Variants in MAP3K9 observed in about 807,000 individuals in gnomAD.
MAP3K9 encodes mitogen-activated protein kinase kinase kinase 9.
MAP3K9 carries 46 observed loss-of-function variants against 95.8 expected under a neutral mutation model. The observed-to-expected ratio is 0.48, with a 90% CI of 0.38 to 0.61. MAP3K9 has a LOEUF of 0.61. Ranked by LOEUF, MAP3K9 falls within the 20% of genes least tolerant of loss-of-function variation. MAP3K9 has a pLI of 0.00. For missense variants in MAP3K9, 1,296 were observed against 1,474.3 expected, an observed-to-expected ratio of 0.88 and a Z score of 1.98; for synonymous variants, 533 against 593.8, an observed-to-expected ratio of 0.90 and a Z score of 1.49.
chr14:70,747,789 T>C (rs2054168119), intron 5 of MAP3K9, among the ~76,000 whole-genome samples: 1 of 152,186 alleles, frequency 6.6e-6, no homozygotes, highest in South Asian at 2.1e-4. Flanking sequence ...CTATCATTAT[T>C]ATCACATGGC....
At chr14:70,737,881 G>GC (rs2054007103) in intron 8 of MAP3K9, among the ~76,000 whole-genome samples, 2 of 152,136 alleles carry the variant, frequency 1.3e-5, no homozygotes, top group Admixed American at 1.3e-4. Flanking sequence ...GTTAAACCCT[G>GC]CCCGCCACTT....
chr14:70,738,444 G>A (rs2054017268), intron 7 of MAP3K9, 46 bp from the exon 8 acceptor site: 2 of 1,588,074 alleles, frequency 1.3e-6, no homozygotes, highest in Admixed American at 1.7e-5. Context: ...TGGACAGACA[G>A]GGCTCCCCCA....
intron 11 of MAP3K9, 123 bp from the exon 12 acceptor site, chr14:70,730,987 G>A (rs1243770755): frequency 7.2e-6 from 8 of 1,108,104 alleles, no homozygotes; most frequent in Non-Finnish European, 2.5e-6. Context: ...ATCACCAAAT[G>A]TTTGTGGAGC....
At chr14:70,769,803 C>T (rs1480710035) in intron 2 of MAP3K9, among the ~76,000 whole-genome samples, 1 of 152,172 alleles carries the variant, frequency 6.6e-6, no homozygotes, top group South Asian at 2.1e-4. Context: ...ATAAGGACAT[C>T]GGTCATTGGA....
chr14:70,779,480 G>T (rs559194875), intron 2 of MAP3K9, among the ~76,000 whole-genome samples: 1 of 152,270 alleles, frequency 6.6e-6, no homozygotes, highest in East Asian at 1.9e-4. Context: ...TGGTCCATGA[G>T]TCCTAGGAAA....
At chr14:70,799,824 C>T (rs1054314620) in intron 2 of MAP3K9, among the ~76,000 whole-genome samples, 6 of 152,166 alleles carry the variant, frequency 3.9e-5, no homozygotes, top group Non-Finnish European at 7.3e-5. Flanking sequence ...ACTCAAATGC[C>T]CTCCTCTCTG....
intron 2 of MAP3K9, among the ~76,000 whole-genome samples, chr14:70,799,681 A>G (rs2054907321): frequency 6.6e-6 from 1 of 152,208 alleles, no homozygotes; most frequent in Non-Finnish European, 1.5e-5. Flanking sequence ...CCATAGTATC[A>G]ACAGAAAAAT....
intron 7 of MAP3K9, 48 bp from the exon 8 acceptor site, chr14:70,738,446 G>A (rs1453628618): frequency 6.3e-7 from 1 of 1,581,578 alleles, no homozygotes; most frequent in African/African-American, 1.3e-5. Flanking sequence ...GACAGACAGG[G>A]CTCCCCCAAA....
chr14:70,782,255 A>G (rs562420171), intron 2 of MAP3K9, among the ~76,000 whole-genome samples: 5 of 152,344 alleles, frequency 3.3e-5, no homozygotes, highest in African/African-American at 7.2e-5. Flanking sequence ...TGTATATAAT[A>G]AATTGACCGT....
At chr14:70,758,520 T>C (rs979094237) in intron 3 of MAP3K9, among the ~76,000 whole-genome samples, 2 of 152,188 alleles carry the variant, frequency 1.3e-5, no homozygotes, top group African/African-American at 4.8e-5. Context: ...ATAGAACTGT[T>C]ACATGATTCA....
intron 2 of MAP3K9, among the ~76,000 whole-genome samples, chr14:70,761,493 T>C (rs779394365): frequency 2.4e-4 from 36 of 152,220 alleles, no homozygotes; most frequent in Non-Finnish European, 3.5e-4. Flanking sequence ...CTGGGCACAG[T>C]GGTTCACGCA....
In MAP3K9 at chr14:70,725,754, G is replaced by C. The variant is rs1190560189; in HGVS notation, c.*4626C>G. On this transcript the variant is annotated 3_prime_UTR_variant, in exon 12 of 12. Coordinates refer to ENST00000554752, the MANE Select transcript of MAP3K9 (RefSeq NM_001284230.2). ...ATTCTCAGACCTAAAGCCAAAGAGA[G>C]AGGCAGGTACATTAGGGTGAACCAT... 6.6e-6 allele frequency: 1 copy of C among 152,190 alleles called. No individual in the cohort carries two copies. Among genetic ancestry groups the C allele is most frequent in the Non-Finnish European group, 1.5e-5 (1 of 68,038 alleles). 9.4% of individuals were successfully genotyped at this position (152,190 alleles called of 1,614,324 possible).
At position 70,801,008 on chromosome 14, in the gene MAP3K9, C is replaced by T. The variant is rs142171628; in HGVS notation, c.479G>A (p.Arg160His). ...AACCTCATCCCCTATCCAGAAAGCA[C>T]GATAGACCTTCCCAAAGCCCCCGAT... ...IGIGGFGKVY[R>H]AFWIGDEVAV... The change falls in exon 2 of 12, where the codon CGT becomes CAT. Residue 160 changes from arginine (R) to histidine (H), a missense_variant. Arg to His is a conservative substitution (Grantham distance 29, BLOSUM62 0). This residue lies in a region of MAP3K9 where 338 missense variants were observed against 363.4 expected (regional missense o/e 0.93). Transcript: ENST00000554752. The T allele has an allele frequency of 1.5e-4, 236 of 1,614,050 alleles. 1 individual carries two copies. Among genetic ancestry groups the T allele is most frequent in the Non-Finnish European group, 1.9e-4 (219 of 1,180,038 alleles).
At chr14:70,742,661 C>T in intron 5 of MAP3K9, 70 bp from the exon 6 acceptor site, 1 of 1,551,036 alleles carries the variant, frequency 6.4e-7, no homozygotes, top group South Asian at 1.2e-5. Flanking sequence ...GGGGTGAGGC[C>T]TGAGAGCTCC....
chr14:70,738,209 C>T (rs368939487), intron 8 of MAP3K9, 36 bp downstream of exon 8: 11 of 1,577,960 alleles, frequency 7.0e-6, no homozygotes, highest in Non-Finnish European at 8.6e-6. Context: ...CATCCATCTT[C>T]AAGAGAGAAA....
At position 70,742,531 on chromosome 14, in the gene MAP3K9, C is replaced by T. The variant is rs1416087523; in HGVS notation, c.1387G>A (p.Glu463Lys). The T allele has an allele frequency of 1.2e-6, 2 of 1,614,194 alleles. No homozygotes were observed. Among genetic ancestry groups the T allele is most frequent in the Non-Finnish European group, 1.7e-6 (2 of 1,180,024 alleles). The change falls in exon 6 of 12, where the codon GAA (glutamate) becomes AAA (lysine). Residue 463 changes from glutamate to lysine, a missense_variant. Transcript: ENST00000554752. ...RAALQQKNQE[E>K]LLRRREQELA... is the part of the protein sequence containing the mutation. ...TCCTGCTCCCGACGCCGCAGCAGTT[C>T]CTCCTGGTTCTTCTGCTGCAGTGCA...
rs2053830688 is a variant in MAP3K9, at chr14:70,727,173, C to T, written c.*3207G>A. ...AAAGTTAGCACTATTCTGAGTTGTC[C>T]AGATGTAAGATATCATTGTTGCTAT... On this transcript the variant is annotated 3_prime_UTR_variant, in exon 12 of 12. Transcript: ENST00000554752. 6.6e-6 allele frequency: 1 copy of T among 152,110 alleles called. No individual in the cohort carries two copies. The highest frequency in any genetic ancestry group is 2.1e-4 in the South Asian group (1 of 4,822). 9.4% of individuals were successfully genotyped at this position (152,110 alleles called of 1,614,324 possible).
At chr14:70,786,703 C>G (rs1341622208) in intron 2 of MAP3K9, among the ~76,000 whole-genome samples, 1 of 152,224 alleles carries the variant, frequency 6.6e-6, no homozygotes, top group Non-Finnish European at 1.5e-5. Flanking sequence ...GGAACACTAT[C>G]ATGAGCATCA....
chr14:70,781,704 T>C (rs1288504530), intron 2 of MAP3K9, among the ~76,000 whole-genome samples: 1 of 152,224 alleles, frequency 6.6e-6, no homozygotes, highest in Non-Finnish European at 1.5e-5. Flanking sequence ...TATAATGCCA[T>C]GAGTAAATAC....
Sources: allele counts gnomAD v4.1 joint callset (sites outside exome capture counted in the v4.1 genomes callset), GRCh38; gene constraint gnomAD v4.1.1; regional missense constraint gnomAD v4.1.1; transcripts MANE v1.5; gene names NCBI Gene and HGNC (gene_info 2026-07-23, HGNC 2026-07-21).